The following CACNA1G variants were observed in gnomAD, a reference collection of about 807,000 sequenced individuals.
CACNA1G encodes voltage-dependent T-type calcium channel subunit alpha-1G.
Under a neutral mutation model 219.4 loss-of-function variants are expected in CACNA1G, and 67 were observed. That is an observed-to-expected ratio of 0.31 (90% CI 0.25 to 0.37). The LOEUF is 0.37. CACNA1G is among the 10% of genes least tolerant of loss of function. The pLI, the probability that CACNA1G is intolerant of heterozygous loss-of-function variation, is 1.00. For synonymous variants in CACNA1G, 1,296 were observed against 1,345.3 expected (o/e 0.96, Z 0.80); for missense variants, 2,380 against 3,231.4 (o/e 0.74, Z 6.39).
At chr17:50,572,092 C>A (rs572703011) in intron 5 of CACNA1G, 55 bp downstream of exon 5, 4 of 1,538,552 alleles carry the variant, frequency 2.6e-6, no homozygotes, top group African/African-American at 2.7e-5. Flanking sequence ...GGGCTGGGCA[C>A]CCCCCCAAGT....
rs779082382 is a variant in CACNA1G at position 50,626,878 on chromosome 17, C to G, written c.*127C>G. On this transcript the variant is annotated 3_prime_UTR_variant, in exon 38 of 38. Coordinates refer to ENST00000359106, the MANE Select transcript of CACNA1G (RefSeq NM_018896.5). The surrounding 1 kb of genome is among the most constrained non-coding windows in gnomAD (Gnocchi z 4.3). ...GAGGCGGAGGCGCTCCTCCCTGCCTCAGTGGCTCTGGGTACCTGCAAGCAG... is the reference window on the plus strand; with the variant it reads ...GAGGCGGAGGCGCTCCTCCCTGCCTGAGTGGCTCTGGGTACCTGCAAGCAG... 2 of 1,215,912 alleles carry G rather than the reference C, an allele frequency of 1.6e-6. No individual in the cohort carries two copies. The highest frequency in any genetic ancestry group is 3.4e-5 in the Admixed American group (2 of 59,422). 75.3% of individuals were successfully genotyped at this position (1,215,912 alleles called of 1,614,324 possible). A position where few individuals can be genotyped will look rare whatever the true frequency, so the allele number is the denominator to read the frequency against.
At chr17:50,584,374 C>T (rs1234952281) in intron 9 of CACNA1G, among the ~76,000 whole-genome samples, 1 of 151,884 alleles carries the variant, frequency 6.6e-6, no homozygotes, top group African/African-American at 2.4e-5. Context: ...GGTGGTTGCT[C>T]AGGGTCGGGG....
At position 50,604,166 on chromosome 17, in the gene CACNA1G, G is replaced by A; in HGVS notation, c.4181G>A (p.Arg1394Gln). ...RTLRPLRVIS[R>Q]AQGLKLVVET... The stretch of plus-strand genomic sequence containing the variant: ...CCTCCCCTCCCCAGGGTGATCAGCC[G>A]GGCGCAGGGGCTGAAGCTGGTGGTG... The change falls in exon 22 of 38, where the codon CGG becomes CAG. Residue 1394 changes from arginine (R) to glutamine (Q), a missense_variant. Transcript: ENST00000359106. 2.5e-6 allele frequency: 4 copies of A among 1,613,276 alleles called. No homozygotes were observed. Among genetic ancestry groups the A allele is most frequent in the South Asian group, 1.1e-5 (1 of 90,994 alleles).
intron 4 of CACNA1G, among the ~76,000 whole-genome samples, chr17:50,570,557 C>CTGTGTGTGTG (rs3062844): frequency 0.029 from 3,833 of 132,656 alleles, 116 homozygotes; most frequent in African/African-American, 0.04. Context: ...CCCCTGCGCT[C>CTGTGTGTGTG]TGTGTGTGTG....
Position 50,596,134 on chromosome 17 carries a change from C to T in CACNA1G, c.2980-428C>T, listed in dbSNP as rs2045494593. Among the ~76,000 whole-genome samples, 1 of 152,112 alleles carries T rather than the reference C, an allele frequency of 6.6e-6. No individual in the cohort carries two copies. The highest frequency in any genetic ancestry group is 2.1e-4 in the South Asian group (1 of 4,826). ...TTCCAGGGTCCTCGAGTCTGAGGCT[C>T]AGGGGAGGGGAGCCGTGGAGAGAAA... On this transcript the variant is annotated intron_variant, in intron 14 of 37. Transcript: ENST00000359106. This position sits in a 1 kb window ranked among gnomAD's most constrained non-coding sequence, Gnocchi z 4.8.
intron 26 of CACNA1G, among the ~76,000 whole-genome samples, chr17:50,611,464 T>C (rs1460804068): frequency 2.0e-5 from 3 of 151,954 alleles, no homozygotes; most frequent in African/African-American, 7.3e-5. Context: ...TGAGCCCCCA[T>C]TGAGTAGGTC....
Position 50,605,880 on chromosome 17 carries a change from C to T in CACNA1G, c.4297-18C>T, listed in dbSNP as rs778531761. 6.2e-7 allele frequency: 1 copy of T among 1,612,810 alleles called. No individual in the cohort carries two copies. Among genetic ancestry groups the T allele is most frequent in the African/African-American group, 1.3e-5 (1 of 74,934 alleles). On this transcript the variant is annotated intron_variant, in intron 22 of 37. Coordinates refer to ENST00000359106, the MANE Select transcript of CACNA1G (RefSeq NM_018896.5). Reference sequence around the variant, plus strand: ...GGTCACAGCTCACTTTTCTCTGTCTCTGGGAATGTGTGTCCAGCTCTTCAA... The same window carrying T: ...GGTCACAGCTCACTTTTCTCTGTCTTTGGGAATGTGTGTCCAGCTCTTCAA...
In CACNA1G at chr17:50,571,794, G is replaced by A; in HGVS notation, c.587-84G>A. The A allele has an allele frequency of 6.8e-7, 1 of 1,475,848 alleles. No homozygotes were observed. The highest frequency in any genetic ancestry group is 9.3e-7 in the Non-Finnish European group (1 of 1,069,988). 91.4% of individuals were successfully genotyped at this position (1,475,848 alleles called of 1,614,324 possible). Reference sequence around the variant, plus strand: ...TCTCAGCCTCAGAGTCCCTGGTGGGGCCCCTCCGGGAGTGCTGCCGGGCCG... The same window carrying A: ...TCTCAGCCTCAGAGTCCCTGGTGGGACCCCTCCGGGAGTGCTGCCGGGCCG... On this transcript the variant is annotated intron_variant, in intron 4 of 37. Coordinates refer to ENST00000359106, the MANE Select transcript of CACNA1G (RefSeq NM_018896.5). The surrounding 1 kb of genome is among the most constrained non-coding windows in gnomAD (Gnocchi z 4.3).
intron 1 of CACNA1G, among the ~76,000 whole-genome samples, chr17:50,565,387 C>CGGG (rs1194421367): frequency 7.2e-6 from 1 of 139,254 alleles, no homozygotes; most frequent in East Asian, 2.6e-4. Flanking sequence ...TGGGGTGGGG[C>CGGG]GGGGGGTTCT....
intron 35 of CACNA1G, among the ~76,000 whole-genome samples, chr17:50,622,644 C>T (rs2052447156): frequency 6.6e-6 from 1 of 152,162 alleles, no homozygotes. Context: ...GCCCCTACAG[C>T]CTCCCTGGGA....
At chr17:50,569,101 G>A in intron 2 of CACNA1G, 64 bp from the exon 3 acceptor site, 2 of 1,584,400 alleles carry the variant, frequency 1.3e-6, no homozygotes, top group Non-Finnish European at 1.7e-6. Context: ...GGGGACTAGG[G>A]TGGGACTAGA....
Position 50,606,885 on chromosome 17 carries a change from C to A in CACNA1G, c.4423-15C>A. The stretch of plus-strand genomic sequence containing the variant: ...TCCTAGACTTCAAATGTCTCCTTCT[C>A]CTCCTCCCCATCAGGCCCTGATGTC... On this transcript the variant is annotated splice_polypyrimidine_tract_variant and intron_variant, in intron 23 of 37. Transcript: ENST00000359106. 1 of 1,597,618 alleles carries A rather than the reference C, an allele frequency of 6.3e-7. No homozygotes were observed. Among genetic ancestry groups the A allele is most frequent in the African/African-American group, 1.3e-5 (1 of 74,732 alleles).
intron 9 of CACNA1G, among the ~76,000 whole-genome samples, chr17:50,590,248 G>T (rs978557267): frequency 6.6e-6 from 1 of 152,158 alleles, no homozygotes; most frequent in South Asian, 2.1e-4. Flanking sequence ...CAGAGCTGGG[G>T]CTATGGGTTT....
rs773163740 is a variant in CACNA1G at position 50,600,839 on chromosome 17, G to A, written c.3791+13G>A. ...CTCCTCAGTCCAGGTAAGTGACAGG[G>A]CAGGGGTCTGACCTGTGTCCCGACC... is the stretch of plus-strand genomic sequence containing the variant. On this transcript the variant is annotated intron_variant, in intron 18 of 37. Transcript: ENST00000359106. The surrounding 1 kb of genome is among the most constrained non-coding windows in gnomAD (Gnocchi z 4.1). The A allele has an allele frequency of 6.2e-7, 1 of 1,600,776 alleles. No individual in the cohort carries two copies. The highest frequency in any genetic ancestry group is 1.7e-5 in the Admixed American group (1 of 59,994).
rs920011126 is a variant in CACNA1G at position 50,561,328 on chromosome 17, G to A, written c.-132G>A. The A allele has an allele frequency of 1.7e-6, 2 of 1,163,048 alleles. No homozygotes were observed. Among genetic ancestry groups the A allele is most frequent in the Admixed American group, 4.8e-5 (2 of 41,320 alleles). 72.0% of individuals were successfully genotyped at this position (1,163,048 alleles called of 1,614,324 possible). On this transcript the variant is annotated 5_prime_UTR_variant, in exon 1 of 38. Transcript: ENST00000359106. The stretch of plus-strand genomic sequence containing the variant: ...GGAGCTGGGCTGAACTGGCCCTCCC[G>A]GGGGCTCAGCTTGCGCCCTAGAGCC...
At position 50,569,773 on chromosome 17, in the gene CACNA1G, C is replaced by G; in HGVS notation, c.556C>G (p.Arg186Gly). The change falls in exon 4 of 38, where the codon CGA (arginine) becomes GGA (glycine). Residue 186 changes from arginine (R) to glycine (G), a missense_variant. Coordinates refer to ENST00000359106, the MANE Select transcript of CACNA1G (RefSeq NM_018896.5). The stretch of plus-strand genomic sequence containing the variant: ...AGCTGTCAGGACAGTCCGTGTGCTG[C>G]GACCGCTCAGGGCCATTAACCGGGT... ...FSAVRTVRVL[R>G]PLRAINRVPS... 6.4e-7 allele frequency: 1 copy of G among 1,550,676 alleles called. No homozygotes were observed. The highest frequency in any genetic ancestry group is 8.7e-7 in the Non-Finnish European group (1 of 1,146,822).
At chr17:50,585,100 C>T (rs757414) in intron 9 of CACNA1G, among the ~76,000 whole-genome samples, 67,863 of 151,942 alleles carry the variant, frequency 0.45, 16,273 homozygotes, top group East Asian at 0.89. Flanking sequence ...ATGGGCTAGA[C>T]GCTGTGCAGG....
chr17:50,590,666 G>T (rs1360292745), intron 10 of CACNA1G, 44 bp downstream of exon 10: 2 of 1,593,198 alleles, frequency 1.3e-6, no homozygotes, highest in Admixed American at 1.7e-5. Context: ...AGGAATGGTA[G>T]CAGGGGTGGC....
intron 9 of CACNA1G, among the ~76,000 whole-genome samples, chr17:50,583,179 T>G (rs910984170): frequency 2.6e-5 from 4 of 152,134 alleles, no homozygotes; most frequent in African/African-American, 9.7e-5. Context: ...GCCAGTCCCT[T>G]GGTCTCCAGA....
Sources: allele counts gnomAD v4.1 joint callset (sites outside exome capture counted in the v4.1 genomes callset), GRCh38; gene constraint gnomAD v4.1.1; non-coding constraint Gnocchi (gnomAD v3.1); transcripts MANE v1.5; gene names NCBI Gene and HGNC (gene_info 2026-07-23, HGNC 2026-07-21).